The following MALRD1 variants were observed in gnomAD, a reference collection of about 807,000 sequenced individuals.
MALRD1 encodes MAM and LDL receptor class A domain containing 1.
In MALRD1, 247 loss-of-function variants were observed where a neutral mutation model predicts 242.1. That is an observed-to-expected ratio of 1.02 (90% CI 0.92 to 1.13). The LOEUF is 1.13. MALRD1 is among the 50% of genes most tolerant of loss of function. The pLI is 0.00. For missense variants in MALRD1, 2,989 were observed against 2,533.1 expected, an observed-to-expected ratio of 1.18 and a Z score of -3.86; for synonymous variants, 995 against 866.6, an observed-to-expected ratio of 1.15 and a Z score of -2.60.
intron 26 of MALRD1, among the ~76,000 whole-genome samples, chr10:19,375,554 C>T (rs1045106949): frequency 1.3e-5 from 2 of 152,122 alleles, no homozygotes; most frequent in Admixed American, 1.3e-4. Flanking sequence ...TGTCACCCGC[C>T]ATGCTCTCCT....
intron 1 of MALRD1, among the ~76,000 whole-genome samples, chr10:19,065,473 T>C (rs1328115917): frequency 6.6e-6 from 1 of 152,070 alleles, no homozygotes; most frequent in African/African-American, 2.4e-5. Flanking sequence ...ATTGTTTTTG[T>C]AGCTATCTGC....
At chr10:19,104,615 A>G (rs778827429) in intron 5 of MALRD1, among the ~76,000 whole-genome samples, 3 of 152,170 alleles carry the variant, frequency 2.0e-5, no homozygotes, top group Non-Finnish European at 4.4e-5. Flanking sequence ...TATTAAAATT[A>G]GAATAGCATA....
intron 18 of MALRD1, among the ~76,000 whole-genome samples, chr10:19,257,076 A>C (rs1388344381): frequency 6.6e-6 from 1 of 152,096 alleles, no homozygotes; most frequent in Non-Finnish European, 1.5e-5. Flanking sequence ...ATATTTTACT[A>C]AGTTCTGGTG....
intron 14 of MALRD1, among the ~76,000 whole-genome samples, chr10:19,197,213 G>T (rs1169602336): frequency 6.6e-6 from 1 of 151,998 alleles, no homozygotes; most frequent in African/African-American, 2.4e-5. Flanking sequence ...ATCCAATCTT[G>T]TCCCCCCAGG....
chr10:19,303,419 T>C (rs1160850067), intron 21 of MALRD1, among the ~76,000 whole-genome samples: 1 of 151,676 alleles, frequency 6.6e-6, no homozygotes, highest in Non-Finnish European at 1.5e-5. Flanking sequence ...ATCACAGATA[T>C]AAATAGAAAA....
chr10:19,540,567 C>T (rs987924038), intron 32 of MALRD1, among the ~76,000 whole-genome samples: 6 of 151,996 alleles, frequency 3.9e-5, no homozygotes, highest in Non-Finnish European at 7.4e-5. Flanking sequence ...CATTTATTGC[C>T]GTGAAGTAAT....
chr10:19,177,031 C>G (rs1004641306), intron 14 of MALRD1, among the ~76,000 whole-genome samples: 1 of 151,972 alleles, frequency 6.6e-6, no homozygotes, highest in Non-Finnish European at 1.5e-5. Context: ...AATCCTAGCA[C>G]TTTGGGAGGC....
intron 36 of MALRD1, among the ~76,000 whole-genome samples, chr10:19,626,287 A>C (rs1344980040): frequency 1.4e-5 from 2 of 139,380 alleles, no homozygotes; most frequent in African/African-American, 5.1e-5. Flanking sequence ...TTTCCCTTAA[A>C]ATCAAGATTT....
intron 32 of MALRD1, among the ~76,000 whole-genome samples, chr10:19,532,573 AT>A (rs775694291): frequency 6.6e-6 from 1 of 152,118 alleles, no homozygotes; most frequent in Non-Finnish European, 1.5e-5. Context: ...TATGATATCT[AT>A]TACACAGTTT....
In MALRD1 at chr10:19,240,721, C is replaced by T. The variant is rs574306102; in HGVS notation, c.2992-16963C>T. Among the ~76,000 whole-genome samples the T allele has an allele frequency of 5.3e-5, 8 of 152,120 alleles. No individual in the cohort carries two copies. In the South Asian group the frequency reaches 1.7e-3, roughly 32 times the overall value. ...GTGGGTTTGTCACATATGGCCTTTACTGCATTGAGGTACACTCCTATACCT... is the reference window on the plus strand; with the variant it reads ...GTGGGTTTGTCACATATGGCCTTTATTGCATTGAGGTACACTCCTATACCT... On this transcript the variant is annotated intron_variant, in intron 18 of 39. Coordinates refer to ENST00000454679, the MANE Select transcript of MALRD1 (RefSeq NM_001142308.3).
Position 19,582,494 on chromosome 10 carries a change from G to T in MALRD1, c.5681-12700G>T, listed in dbSNP as rs1244286260. On this transcript the variant is annotated intron_variant, in intron 33 of 39. Coordinates refer to ENST00000454679, the MANE Select transcript of MALRD1 (RefSeq NM_001142308.3). ...TTAACTAGGGAATCCTTTCCCCATT[G>T]CTTGTTTTTGTCAGGTTTGTCAAAG... Among the ~76,000 whole-genome samples, 261 of 138,408 alleles carry T rather than the reference G, an allele frequency of 1.9e-3. 2 individuals carry two copies. Among genetic ancestry groups the T allele is most frequent in the African/African-American group, 6.0e-3 (240 of 39,682 alleles). 90.8% of individuals were successfully genotyped at this position (138,408 alleles called of 152,430 possible). A position where few individuals can be genotyped will look rare whatever the true frequency, so the allele number is the denominator to read the frequency against.
At chr10:19,695,049 A>T (rs2131831385) in intron 38 of MALRD1, among the ~76,000 whole-genome samples, 1 of 152,254 alleles carries the variant, frequency 6.6e-6, no homozygotes, top group South Asian at 2.1e-4. Flanking sequence ...AGGAAGGGTG[A>T]CATCACACAC....
chr10:19,109,427 CGG>C (rs1836596431), intron 5 of MALRD1, among the ~76,000 whole-genome samples: 1 of 152,120 alleles, frequency 6.6e-6, no homozygotes, highest in South Asian at 2.1e-4. Flanking sequence ...GCTCTATCTC[CGG>C]GTCAGTCATG....
intron 26 of MALRD1, among the ~76,000 whole-genome samples, chr10:19,361,904 A>G (rs1844912298): frequency 6.6e-6 from 1 of 152,274 alleles, no homozygotes; most frequent in Admixed American, 6.5e-5. Flanking sequence ...GTGGTTGTAT[A>G]AATTTTCTAG....
chr10:19,275,649 A>G (rs1321388473), intron 19 of MALRD1, among the ~76,000 whole-genome samples: 2 of 152,164 alleles, frequency 1.3e-5, no homozygotes, highest in Admixed American at 1.3e-4. Context: ...AGCCTGGGCG[A>G]CAGAGCGAGA....
At chr10:19,673,776 G>C (rs114115992) in intron 36 of MALRD1, among the ~76,000 whole-genome samples, 6 of 152,022 alleles carry the variant, frequency 3.9e-5, no homozygotes, top group African/African-American at 1.4e-4. Flanking sequence ...GATTTATAAT[G>C]TCTCTTTAAA....
chr10:19,424,166 T>C (rs1044125403), intron 28 of MALRD1, among the ~76,000 whole-genome samples: 4 of 152,188 alleles, frequency 2.6e-5, no homozygotes, highest in African/African-American at 9.7e-5. Context: ...TTTTTTTCTT[T>C]TGTTTTTTAG....
intron 18 of MALRD1, among the ~76,000 whole-genome samples, chr10:19,220,193 C>T (rs941806880): frequency 6.6e-6 from 1 of 152,100 alleles, no homozygotes; most frequent in Non-Finnish European, 1.5e-5. Context: ...TCCTGGCTCT[C>T]TACTACTAGC....
chr10:19,178,942 C>G (rs766063667), intron 14 of MALRD1, among the ~76,000 whole-genome samples: 2 of 152,198 alleles, frequency 1.3e-5, no homozygotes, highest in African/African-American at 4.8e-5. Flanking sequence ...ACAGTCAGAA[C>G]AGAGACCTCT....
Sources: gnomAD v4.1 joint callset for allele counts (sites outside exome capture counted in the v4.1 genomes callset) on GRCh38, gnomAD v4.1.1 for gene constraint, MANE v1.5 for transcripts, NCBI Gene and HGNC (gene_info 2026-07-23, HGNC 2026-07-21) for gene names.